Variants in NAV2 observed in about 807,000 individuals in gnomAD.
The protein encoded by NAV2 is neuron navigator 2.
In NAV2, 54 loss-of-function variants were observed where a neutral mutation model predicts 223.2. That is an observed-to-expected ratio of 0.24 (90% CI 0.19 to 0.30). The LOEUF is 0.30. Among genes scored for constraint, NAV2 ranks in the 10% least tolerant of loss-of-function variants. The pLI is 1.00. For synonymous variants in NAV2, 1,279 were observed against 1,239.3 expected (o/e 1.03, Z -0.67); for missense variants, 2,806 against 3,147.5 (o/e 0.89, Z 2.60).
At chr11:19,749,535 C>T (rs1470016591) in intron 1 of NAV2, among the ~76,000 whole-genome samples, 1 of 152,196 alleles carries the variant, frequency 6.6e-6, no homozygotes, top group Non-Finnish European at 1.5e-5. Context: ...CCTTTCATTT[C>T]CCTGGATGTC....
chr11:19,424,355 A>T (rs960461354), intron 1 of NAV2, among the ~76,000 whole-genome samples: 13 of 152,202 alleles, frequency 8.5e-5, no homozygotes, highest in African/African-American at 3.1e-4. Flanking sequence ...GAGGAATTAA[A>T]TATTTCCAGA....
At chr11:19,490,668 G>A (rs2042594951) in intron 1 of NAV2, among the ~76,000 whole-genome samples, 1 of 152,152 alleles carries the variant, frequency 6.6e-6, no homozygotes, top group Admixed American at 6.5e-5. Flanking sequence ...ACCTCTCAAA[G>A]CCATCCATGA....
At position 19,435,000 on chromosome 11, in the gene NAV2, G is replaced by T. The variant is rs1410674451; in HGVS notation, c.75+83973G>T. ...ATAAATAATTATATATATTTACGGG[G>T]TATGGTATAATGTTTCAGTACATAT... is the stretch of plus-strand genomic sequence containing the variant. On this transcript the variant is annotated intron_variant, in intron 1 of 37. Transcript: ENST00000360655. 2.0e-5 allele frequency among the ~76,000 whole-genome samples: 3 copies of T among 151,676 alleles called. No individual in the cohort carries two copies. In the East Asian group the frequency reaches 5.8e-4, roughly 29 times the overall value.
chr11:19,484,092 C>T (rs962222951), intron 1 of NAV2, among the ~76,000 whole-genome samples: 21 of 150,824 alleles, frequency 1.4e-4, no homozygotes, highest in South Asian at 1.1e-3. Flanking sequence ...ATCTCCTCCA[C>T]GCCCTGCATG....
chr11:19,904,875 G>C (rs546275023), intron 6 of NAV2, among the ~76,000 whole-genome samples: 1 of 152,234 alleles, frequency 6.6e-6, no homozygotes, highest in Admixed American at 6.5e-5. Context: ...TACAATAGCC[G>C]GTAGGTTGGA....
chr11:20,047,352 T>C (rs2057546925), intron 14 of NAV2, among the ~76,000 whole-genome samples: 1 of 152,228 alleles, frequency 6.6e-6, no homozygotes, highest in South Asian at 2.1e-4. Flanking sequence ...GTATTCTTAG[T>C]TCTCTTGATG....
At chr11:20,003,389 G>A (rs1294819240) in intron 11 of NAV2, among the ~76,000 whole-genome samples, 1 of 152,186 alleles carries the variant, frequency 6.6e-6, no homozygotes, top group Admixed American at 6.5e-5. Flanking sequence ...GATTCAGAGA[G>A]ACTAGGTCTT....
At chr11:19,446,733 A>T (rs1851598841) in intron 1 of NAV2, among the ~76,000 whole-genome samples, 1 of 152,176 alleles carries the variant, frequency 6.6e-6, no homozygotes, top group Non-Finnish European at 1.5e-5. Flanking sequence ...GAGCACCTCA[A>T]ATGTGGGAGC....
chr11:19,678,670 C>T lies in NAV2; in HGVS notation c.76-153814C>T, dbSNP rs567833861. ...TATCTAGGGTAGAAATTGGCAGTGT[C>T]GAAAGAGAAGCATGGGGAAAATGCC... On this transcript the variant is annotated intron_variant, in intron 1 of 37. Transcript: ENST00000360655. 2.6e-5 allele frequency among the ~76,000 whole-genome samples: 4 copies of T among 152,058 alleles called. No homozygotes were observed. In the East Asian group the frequency reaches 5.8e-4, roughly 22 times the overall value.
intron 11 of NAV2, among the ~76,000 whole-genome samples, chr11:20,033,718 C>T (rs1408285795): frequency 6.6e-6 from 1 of 152,182 alleles, no homozygotes; most frequent in Non-Finnish European, 1.5e-5. Flanking sequence ...GTGATGAAAA[C>T]AGGTTTTTAG....
Position 19,680,240 on chromosome 11 carries a change from G to A in NAV2, c.76-152244G>A, listed in dbSNP as rs78756888. The stretch of plus-strand genomic sequence containing the variant: ...CATCCCCCACCCCCCTCTTTAGAGC[G>A]TTTTCCTGCCTTTTTGGCACCGAAT... On this transcript the variant is annotated intron_variant, in intron 1 of 37. Coordinates refer to the NAV2 transcript ENST00000360655. Among the ~76,000 whole-genome samples, 237 of 152,232 alleles carry A rather than the reference G, an allele frequency of 1.6e-3. 1 individual carries two copies. The highest frequency in any genetic ancestry group is 0.012 in the Admixed American group (189 of 15,290).
chr11:19,514,180 A>T (rs2043366876), intron 1 of NAV2, among the ~76,000 whole-genome samples: 1 of 152,030 alleles, frequency 6.6e-6, no homozygotes, highest in African/African-American at 2.4e-5. Flanking sequence ...ATTCTGCCTC[A>T]TCATGATGCT....
chr11:19,364,588 C>A (rs551209512), intron 1 of NAV2, among the ~76,000 whole-genome samples: 2 of 152,210 alleles, frequency 1.3e-5, no homozygotes, highest in African/African-American at 4.8e-5. Context: ...TATTTGTGTC[C>A]CCTGAAATGT....
intron 1 of NAV2, among the ~76,000 whole-genome samples, chr11:19,393,255 A>T (rs1182552815): frequency 1.3e-5 from 2 of 152,194 alleles, no homozygotes; most frequent in African/African-American, 2.4e-5. Flanking sequence ...TAAGACCACC[A>T]GTTTCATTCT....
intron 1 of NAV2, among the ~76,000 whole-genome samples, chr11:19,823,640 T>C (rs1485982112): frequency 6.6e-6 from 1 of 152,180 alleles, no homozygotes; most frequent in Non-Finnish European, 1.5e-5. Flanking sequence ...TGTGCCCAGC[T>C]TATACAGTTT....
intron 11 of NAV2, among the ~76,000 whole-genome samples, chr11:20,003,576 A>T (rs998463760): frequency 2.2e-4 from 33 of 152,108 alleles, no homozygotes; most frequent in Admixed American, 1.3e-3. Flanking sequence ...ACCCACACCC[A>T]CTTCCCTCCA....
At chr11:19,616,976 A>G (rs866048832) in intron 1 of NAV2, among the ~76,000 whole-genome samples, 2 of 152,000 alleles carry the variant, frequency 1.3e-5, no homozygotes, top group African/African-American at 2.4e-5. Context: ...CAGTCTCCTC[A>G]TCTATAACAT....
At chr11:19,921,634 T>C (rs532642828) in intron 6 of NAV2, among the ~76,000 whole-genome samples, 4 of 152,208 alleles carry the variant, frequency 2.6e-5, no homozygotes, top group Non-Finnish European at 5.9e-5. Context: ...AGAGTCCTGT[T>C]TATTGTCCCT....
chr11:19,845,259 A>G (rs1425986129), intron 3 of NAV2, among the ~76,000 whole-genome samples: 1 of 152,250 alleles, frequency 6.6e-6, no homozygotes, highest in Non-Finnish European at 1.5e-5. Context: ...CTAGATTGCT[A>G]GGTGGTTAAC....
Sources: gnomAD v4.1 joint callset for allele counts (sites outside exome capture counted in the v4.1 genomes callset) on GRCh38, gnomAD v4.1.1 for gene constraint, MANE v1.5 for transcripts, NCBI Gene and HGNC (gene_info 2026-07-23, HGNC 2026-07-21) for gene names.